Variants in IFT43 observed in about 807,000 individuals in gnomAD.
IFT43 encodes intraflagellar transport protein 43 homolog.
A neutral mutation model predicts 32.3 loss-of-function variants in IFT43; 33 were observed. That is an observed-to-expected ratio of 1.02 (90% CI 0.77 to 1.37). The LOEUF (loss-of-function observed/expected upper bound fraction) is 1.37, where lower values mean the gene tolerates loss of function less well. Ranked by LOEUF, IFT43 falls within the 40% of genes most tolerant of loss-of-function variation. The probability of loss-of-function intolerance (pLI) is 0.00; values close to 1 mark genes in which losing one functional copy is unlikely to be tolerated. For synonymous variants in IFT43, 93 were observed against 98.2 expected, an observed-to-expected ratio of 0.95 and a Z score of 0.31; for missense variants, 274 against 265.9, an observed-to-expected ratio of 1.03 and a Z score of -0.21.
intron 1 of IFT43, among the ~76,000 whole-genome samples, chr14:75,987,329 C>T: frequency 6.6e-6 from 1 of 152,208 alleles, no homozygotes; most frequent in East Asian, 1.9e-4. Flanking sequence ...TTTCCACCAT[C>T]CCTGAAACCT....
chr14:75,996,883 C>A (rs1159584215), intron 2 of IFT43, among the ~76,000 whole-genome samples: 1 of 152,184 alleles, frequency 6.6e-6, no homozygotes, highest in Non-Finnish European at 1.5e-5. Context: ...TGGGAGCTTT[C>A]TGTGTGCCAG....
intron 2 of IFT43, among the ~76,000 whole-genome samples, chr14:76,010,967 A>C (rs2036073446): frequency 6.7e-6 from 1 of 149,908 alleles, no homozygotes; most frequent in African/African-American, 2.5e-5. Flanking sequence ...CAGTGGCATG[A>C]TCATAGCTCA....
intron 7 of IFT43, 117 bp from the exon 8 acceptor site, chr14:76,083,110 T>G: frequency 9.8e-7 from 1 of 1,023,560 alleles, no homozygotes; most frequent in Non-Finnish European, 1.5e-6. Context: ...AAGGCATTCC[T>G]GCAGGTCTCA....
chr14:76,031,703 C>T (rs1168884825), intron 3 of IFT43, among the ~76,000 whole-genome samples: 1 of 152,104 alleles, frequency 6.6e-6, no homozygotes, highest in Non-Finnish European at 1.5e-5. Context: ...AAGATTTTTC[C>T]AGATCAAATC....
At chr14:76,066,414 A>G (rs2037225090) in intron 5 of IFT43, among the ~76,000 whole-genome samples, 1 of 152,202 alleles carries the variant, frequency 6.6e-6, no homozygotes, top group African/African-American at 2.4e-5. Flanking sequence ...TTTAATGGAA[A>G]ATCAGTTCAT....
At chr14:76,077,025 GA>G (rs1455015393) in intron 5 of IFT43, among the ~76,000 whole-genome samples, 1 of 151,908 alleles carries the variant, frequency 6.6e-6, no homozygotes, top group Non-Finnish European at 1.5e-5. Context: ...CTCTCTTTTT[GA>G]AATAGATTTG....
At chr14:76,062,517 G>A (rs1373389980) in intron 5 of IFT43, among the ~76,000 whole-genome samples, 1 of 152,178 alleles carries the variant, frequency 6.6e-6, no homozygotes, top group Non-Finnish European at 1.5e-5. Context: ...CCCATTGTGA[G>A]TTGAAAATAT....
intron 3 of IFT43, among the ~76,000 whole-genome samples, chr14:76,027,333 A>ACCCCCCCCCCC (rs56836132): frequency 8.0e-6 from 1 of 124,550 alleles, no homozygotes; most frequent in Non-Finnish European, 1.6e-5. Context: ...CTTCCCCAAC[A>ACCCCCCCCCCC]CCCCCCACAC....
rs752303861 is a variant in IFT43, at chr14:76,083,564, C to T, written c.614C>T (p.Ala205Val). The change falls in exon 9 of 9, where the codon GCC becomes GTC. Residue 205 changes from alanine to valine, a missense_variant. Ala to Val is a moderately conservative substitution (Grantham distance 64, BLOSUM62 0). Transcript: ENST00000314067. ...GAGAAGGAGGACCCTGCGGGGCAGG[C>T]CAGGCACACCTGAGCCCGTCACCCA... ...QTEKEDPAGQ[A>V]RHT is the part of the protein sequence containing the mutation. The T allele has an allele frequency of 6.2e-7, 1 of 1,613,978 alleles. No individual in the cohort carries two copies. The highest frequency in any genetic ancestry group is 1.1e-5 in the South Asian group (1 of 91,082).
intron 2 of IFT43, among the ~76,000 whole-genome samples, chr14:75,991,417 GTGTGTGTGTA>G (rs2035641004): frequency 6.7e-6 from 1 of 148,966 alleles, no homozygotes; most frequent in African/African-American, 2.5e-5. Flanking sequence ...GTGTGTGTGT[GTGTGTGTGTA>G]TGTATGTATA....
chr14:76,026,481 C>G (rs1398208209), intron 3 of IFT43, among the ~76,000 whole-genome samples: 2 of 148,922 alleles, frequency 1.3e-5, no homozygotes. Context: ...TTGCTTGAAC[C>G]TGGGAGGCAG....
At chr14:75,991,043 A>C (rs1193121795) in intron 2 of IFT43, among the ~76,000 whole-genome samples, 1 of 152,214 alleles carries the variant, frequency 6.6e-6, no homozygotes, top group Non-Finnish European at 1.5e-5. Flanking sequence ...TTAAAAGTCT[A>C]CTTAAGGCTA....
chr14:76,062,788 G>A (rs186142093), intron 5 of IFT43, among the ~76,000 whole-genome samples: 110 of 151,694 alleles, frequency 7.3e-4, no homozygotes, highest in Non-Finnish European at 1.4e-3. Flanking sequence ...CTGGTGGCGG[G>A]CACCTGTAAT....
intron 3 of IFT43, among the ~76,000 whole-genome samples, chr14:76,053,803 A>T (rs1406377544): frequency 6.6e-6 from 1 of 152,214 alleles, no homozygotes; most frequent in Non-Finnish European, 1.5e-5. Context: ...TACATTTTGA[A>T]TATTGAACGA....
intron 5 of IFT43, among the ~76,000 whole-genome samples, chr14:76,060,504 C>G (rs1392930646): frequency 6.6e-6 from 1 of 151,726 alleles, no homozygotes; most frequent in African/African-American, 2.4e-5. Context: ...CAGCCGTGAG[C>G]CACCGCGCCC....
At chr14:75,999,270 T>TAATATTC (rs2035832017) in intron 2 of IFT43, among the ~76,000 whole-genome samples, 2 of 25,236 alleles carry the variant, frequency 7.9e-5, no homozygotes, top group Non-Finnish European at 1.3e-4. Context: ...TATATATATA[T>TAATATTC]ATGTATATAT....
intron 2 of IFT43, among the ~76,000 whole-genome samples, chr14:75,993,624 A>G (rs1301794970): frequency 2.0e-5 from 3 of 152,126 alleles, no homozygotes; most frequent in African/African-American, 7.2e-5. Context: ...AACAGGAGCA[A>G]TTTTTCTTTC....
intron 4 of IFT43, 173 bp downstream of exon 4, chr14:76,058,847 G>T: frequency 1.3e-6 from 2 of 1,533,512 alleles, no homozygotes; most frequent in Admixed American, 4.0e-5. Flanking sequence ...TTCCTCAACT[G>T]AAGGTCTGGA....
chr14:76,000,190 A>G (rs1281333316), intron 2 of IFT43, among the ~76,000 whole-genome samples: 2 of 152,166 alleles, frequency 1.3e-5, no homozygotes, highest in Non-Finnish European at 2.9e-5. Context: ...ATTTTTAAAA[A>G]ATGTTTTCAA....
Sources: gnomAD v4.1 joint callset for allele counts (sites outside exome capture counted in the v4.1 genomes callset) on GRCh38, gnomAD v4.1.1 for gene constraint, MANE v1.5 for transcripts, NCBI Gene and HGNC (gene_info 2026-07-23, HGNC 2026-07-21) for gene names.